The following SMC1B variants were observed in gnomAD, a reference collection of about 807,000 sequenced individuals.
The protein encoded by SMC1B is structural maintenance of chromosomes protein 1B.
In SMC1B, 60 loss-of-function variants were observed where a neutral mutation model predicts 157.9. The observed-to-expected ratio is 0.38, with a 90% CI of 0.31 to 0.47. SMC1B has a LOEUF of 0.47. SMC1B is among the 20% of genes least tolerant of loss of function. The pLI is 0.99. For synonymous variants in SMC1B, 445 were observed against 483.0 expected, an observed-to-expected ratio of 0.92 and a Z score of 1.03; for missense variants, 1,165 against 1,426.2, an observed-to-expected ratio of 0.82 and a Z score of 2.95.
At chr22:45,395,611 A>G (rs1444432225) in intron 7 of SMC1B, among the ~76,000 whole-genome samples, 3 of 152,176 alleles carry the variant, frequency 2.0e-5, no homozygotes, top group African/African-American at 7.2e-5. Flanking sequence ...TAATCCCAGC[A>G]CTTTGCAAGG....
rs136574 is a variant in SMC1B at position 45,372,716 on chromosome 22, C to CT, written c.2059-425dup. On this transcript the variant is annotated intron_variant, in intron 12 of 24. Transcript: ENST00000357450. ...ACACTCCCTCCCATTGACTCCAGGT[C>CT]TTTTTTTTTTTTTTGAGACAGAGTC... Among the ~76,000 whole-genome samples the CT allele has an allele frequency of 4.0e-4, 50 of 123,572 alleles. 2 individuals are homozygous for CT. Among genetic ancestry groups the CT allele is most frequent in the Middle Eastern group, 4.3e-3 (1 of 232 alleles). 81.1% of individuals were successfully genotyped at this position (123,572 alleles called of 152,430 possible).
At chr22:45,372,125 C>T in intron 13 of SMC1B, 30 bp downstream of exon 13, 1 of 1,548,972 alleles carries the variant, frequency 6.5e-7, no homozygotes. Context: ...GGGTCAAATG[C>T]CTATCATATT....
chr22:45,354,382 G>GTATGTATA (rs2086649536), intron 20 of SMC1B, among the ~76,000 whole-genome samples: 1 of 151,938 alleles, frequency 6.6e-6, no homozygotes, highest in Non-Finnish European at 1.5e-5. Flanking sequence ...ATGTATGTAT[G>GTATGTATA]TAAGTATGTA....
At chr22:45,401,642 T>C (rs960976983) in intron 5 of SMC1B, among the ~76,000 whole-genome samples, 16 of 152,366 alleles carry the variant, frequency 1.1e-4, no homozygotes, top group African/African-American at 3.8e-4. Flanking sequence ...TGAACAACCC[T>C]TCATGCCCTA....
chr22:45,362,506 A>T (rs2086731461), intron 16 of SMC1B, among the ~76,000 whole-genome samples: 1 of 152,180 alleles, frequency 6.6e-6, no homozygotes. Context: ...CCCATAAACC[A>T]GCAACTCCCA....
chr22:45,393,484 T>G, intron 9 of SMC1B, 150 bp downstream of exon 9: 1 of 613,714 alleles, frequency 1.6e-6, no homozygotes, highest in Non-Finnish European at 2.8e-6. Flanking sequence ...ATTTTAAATA[T>G]AAAGAGTCAA....
intron 10 of SMC1B, among the ~76,000 whole-genome samples, chr22:45,388,958 G>T (rs2087022768): frequency 8.0e-6 from 1 of 125,172 alleles, no homozygotes; most frequent in Non-Finnish European, 1.6e-5. Flanking sequence ...CTGCACTCCA[G>T]ACTGGGCGAA....
chr22:45,373,468 G>A (rs185339218), intron 12 of SMC1B, among the ~76,000 whole-genome samples: 33 of 152,324 alleles, frequency 2.2e-4, no homozygotes, highest in African/African-American at 5.8e-4. Context: ...TGGAATTCCT[G>A]TTGTTTCATT....
At position 45,386,942 on chromosome 22, in the gene SMC1B, C is replaced by T; in HGVS notation, c.1836G>A (p.Val612=). 1.2e-6 allele frequency: 2 copies of T among 1,614,144 alleles called. No homozygotes were observed. The highest frequency in any genetic ancestry group is 1.7e-6 in the Non-Finnish European group (2 of 1,180,018). ...FPQLKKVIQF[V]CGNGLVCETM... is the part of the protein sequence containing the mutation. Reference sequence around the variant, plus strand: ...TCTCACAAACAAGACCATTTCCACACACAAACTGAATCACTTTCTTCAGCT... The same window carrying T: ...TCTCACAAACAAGACCATTTCCACATACAAACTGAATCACTTTCTTCAGCT... Residue 612 remains valine, a synonymous_variant, in exon 11 of 25, where the codon GTG becomes GTA. Coordinates refer to ENST00000357450, the MANE Select transcript of SMC1B (RefSeq NM_148674.5).
intron 5 of SMC1B, among the ~76,000 whole-genome samples, chr22:45,400,077 A>G (rs1602092886): frequency 6.6e-6 from 1 of 152,318 alleles, no homozygotes; most frequent in South Asian, 2.1e-4. Context: ...ACATATGAAA[A>G]TATTTATAGC....
chr22:45,394,566 G>A (rs755322229), intron 8 of SMC1B, 119 bp downstream of exon 8: 413 of 1,213,978 alleles, frequency 3.4e-4, no homozygotes, highest in Non-Finnish European at 4.2e-4. Flanking sequence ...AGCCCCGGAA[G>A]TTGAGGCTAC....
intron 23 of SMC1B, among the ~76,000 whole-genome samples, 185 bp downstream of exon 23, chr22:45,349,543 T>A (rs4823215): frequency 2.6e-4 from 1 of 3,788 alleles, no homozygotes; most frequent in Admixed American, 2.9e-3. Flanking sequence ...ACCATGTTGG[T>A]CAGGCTGGTC....
chr22:45,412,035 C>A (rs1042122082), intron 1 of SMC1B, among the ~76,000 whole-genome samples: 1 of 151,688 alleles, frequency 6.6e-6, no homozygotes, highest in Non-Finnish European at 1.5e-5. Context: ...CGTGACACCA[C>A]CCCCAGCTAA....
intron 8 of SMC1B, 70 bp downstream of exon 8, chr22:45,394,615 G>A: frequency 5.0e-6 from 7 of 1,398,828 alleles, no homozygotes; most frequent in Non-Finnish European, 5.6e-6. Flanking sequence ...TGGCCTGGGC[G>A]ATGGGAGTGA....
In SMC1B at chr22:45,344,494, G is replaced by A. The variant is rs2086530331; in HGVS notation, c.*62C>T. The A allele has an allele frequency of 8.4e-6, 10 of 1,184,070 alleles. No homozygotes were observed. The Admixed American group carries it at 1.7e-4, about 20-fold the overall frequency. 73.3% of individuals were successfully genotyped at this position (1,184,070 alleles called of 1,614,324 possible). Reference sequence around the variant, plus strand: ...CTTGCTCCAGAAGTCTCCTGTGGAGGAGCTGTGTGAGTATTAGAGTGGGAA... The same window carrying A: ...CTTGCTCCAGAAGTCTCCTGTGGAGAAGCTGTGTGAGTATTAGAGTGGGAA... On this transcript the variant is annotated 3_prime_UTR_variant, in exon 25 of 25. Coordinates refer to ENST00000357450, the MANE Select transcript of SMC1B (RefSeq NM_148674.5).
chr22:45,365,132 C>T (rs770974922), intron 15 of SMC1B, among the ~76,000 whole-genome samples: 3 of 152,236 alleles, frequency 2.0e-5, no homozygotes, highest in African/African-American at 4.8e-5. Context: ...CCACCGCACC[C>T]GGCCGGATCT....
chr22:45,411,469 T>A (rs1009451193), intron 1 of SMC1B, among the ~76,000 whole-genome samples: 2 of 152,230 alleles, frequency 1.3e-5, no homozygotes, highest in Admixed American at 6.5e-5. Flanking sequence ...TGCTAATGAG[T>A]ACAAGGTTTC....
At chr22:45,401,619 G>A (rs1365399746) in intron 5 of SMC1B, among the ~76,000 whole-genome samples, 1 of 152,208 alleles carries the variant, frequency 6.6e-6, no homozygotes, top group African/African-American at 2.4e-5. Flanking sequence ...CTATGCAAAT[G>A]GAATACCTGA....
intron 15 of SMC1B, among the ~76,000 whole-genome samples, chr22:45,369,475 C>A (rs1312122129): frequency 2.0e-5 from 3 of 150,680 alleles, no homozygotes; most frequent in Non-Finnish European, 4.4e-5. Context: ...TGCTTTCTCT[C>A]TTTAAAAAAT....
Sources: gnomAD v4.1 joint callset for allele counts (sites outside exome capture counted in the v4.1 genomes callset) on GRCh38, gnomAD v4.1.1 for gene constraint, MANE v1.5 for transcripts, NCBI Gene and HGNC (gene_info 2026-07-23, HGNC 2026-07-21) for gene names.